PTER: variants seen among roughly 807,000 people sequenced by gnomAD.
PTER encodes phosphotriesterase related.
PTER carries 38 observed loss-of-function variants against 29.6 expected under a neutral mutation model. The ratio of observed to expected loss-of-function variants is 1.28; its 90% confidence interval spans 0.99 to 1.68. The LOEUF (loss-of-function observed/expected upper bound fraction) is 1.68. Among genes scored for constraint, PTER ranks in the 40% most tolerant of loss-of-function variants. The pLI is 0.00. For missense variants in PTER, 482 were observed against 427.8 expected (o/e 1.13, Z -1.12); for synonymous variants, 172 against 154.5 (o/e 1.11, Z -0.84).
intron 3 of PTER, among the ~76,000 whole-genome samples, chr10:16,495,314 G>A (rs959278592): frequency 1.3e-5 from 2 of 151,942 alleles, no homozygotes; most frequent in African/African-American, 4.8e-5. Flanking sequence ...GAGATTACAA[G>A]CGTGCACTAC....
intron 1 of PTER, among the ~76,000 whole-genome samples, chr10:16,483,780 A>G (rs961160866): frequency 6.6e-6 from 1 of 152,158 alleles, no homozygotes; most frequent in African/African-American, 2.4e-5. Context: ...CAGGAGGCGG[A>G]GGCGGAAGTT....
At chr10:16,483,087 A>C (rs1835541721) in intron 1 of PTER, among the ~76,000 whole-genome samples, 1 of 152,060 alleles carries the variant, frequency 6.6e-6, no homozygotes, top group Admixed American at 6.6e-5. Flanking sequence ...CTGGCCATTT[A>C]ATTTTTAATT....
intron 1 of PTER, among the ~76,000 whole-genome samples, chr10:16,483,274 A>G (rs1359787219): frequency 6.6e-6 from 1 of 152,174 alleles, no homozygotes; most frequent in Non-Finnish European, 1.5e-5. Flanking sequence ...AATAAATCAC[A>G]ATCGCTTTCA....
At chr10:16,499,807 A>G (rs1836263441) in intron 3 of PTER, among the ~76,000 whole-genome samples, 1 of 151,982 alleles carries the variant, frequency 6.6e-6, no homozygotes, top group Admixed American at 6.6e-5. Flanking sequence ...ATATCAATAA[A>G]TGTCAGTTAA....
chr10:16,514,833 G>A (rs938595526), downstream of PTER: 9 of 677,908 alleles, frequency 1.3e-5, no homozygotes, highest in Non-Finnish European at 2.2e-5. Flanking sequence ...CAAAGTCCAT[G>A]TTGACCTCAG....
chr10:16,476,268 G>C, intron 1 of PTER: 1 of 152,224 alleles, frequency 6.6e-6, no homozygotes. Context: ...ATTTTTAGTA[G>C]ACAGGGTTTC....
chr10:16,515,280 G>A (rs1009565892), downstream of PTER, among the ~76,000 whole-genome samples: 3 of 150,220 alleles, frequency 2.0e-5, no homozygotes, highest in African/African-American at 7.3e-5. Flanking sequence ...TCTAATTCAT[G>A]TAAAGCCCCC....
In PTER at chr10:16,511,081, G is replaced by A. The variant is rs778269871; in HGVS notation, c.875G>A (p.Arg292Gln). The change falls in exon 5 of 5, where the codon CGA (arginine) becomes CAA (glutamine). Residue 292 changes from arginine to glutamine, a missense_variant. Arg to Gln is a conservative substitution (Grantham distance 43). Coordinates refer to ENST00000535784, the MANE Select transcript of PTER (RefSeq NM_001261836.2). ...CTGGTGGAAGAGGGCTGTGAAGATC[G>A]AATTCTGGTAGCACATGACATACAT... ...RLLVEEGCED[R>Q]ILVAHDIHTK... 154 of 1,613,700 alleles carry A rather than the reference G, an allele frequency of 9.5e-5. 4 individuals are homozygous for A. Among genetic ancestry groups the A allele is most frequent in the South Asian group, 6.8e-4 (62 of 91,052 alleles).
intron 1 of PTER, among the ~76,000 whole-genome samples, chr10:16,456,392 C>G (rs1441657870): frequency 6.6e-6 from 1 of 152,144 alleles, no homozygotes; most frequent in Non-Finnish European, 1.5e-5. Context: ...AGATTAGAGG[C>G]CCCTCAAATG....
intron 1 of PTER, among the ~76,000 whole-genome samples, chr10:16,480,564 G>C (rs1368546723): frequency 6.6e-6 from 1 of 152,110 alleles, no homozygotes; most frequent in East Asian, 1.9e-4. Flanking sequence ...GGGTATAACA[G>C]AGTCCGGGGT....
At chr10:16,510,259 A>T (rs745498241) in intron 4 of PTER, among the ~76,000 whole-genome samples, 17 of 152,228 alleles carry the variant, frequency 1.1e-4, no homozygotes, top group Non-Finnish European at 2.2e-4. Context: ...CCAGCATTTA[A>T]CAAAGCAAAG....
chr10:16,453,225 AT>A (rs555797275), intron 1 of PTER, among the ~76,000 whole-genome samples: 1 of 151,882 alleles, frequency 6.6e-6, no homozygotes, highest in African/African-American at 2.4e-5. Flanking sequence ...CAGGTTATTG[AT>A]TTTTTTTAAC....
chr10:16,462,426 T>G (rs1411049855), intron 1 of PTER, among the ~76,000 whole-genome samples: 1 of 152,150 alleles, frequency 6.6e-6, no homozygotes, highest in African/African-American at 2.4e-5. Flanking sequence ...GTGGCGTTTG[T>G]GTTTGTTTTT....
chr10:16,510,735 A>G (rs1016895346), intron 4 of PTER, among the ~76,000 whole-genome samples: 31 of 152,212 alleles, frequency 2.0e-4, no homozygotes, highest in African/African-American at 7.2e-4. Flanking sequence ...TGAAATGCCA[A>G]AATGGTCATT....
Position 16,484,693 on chromosome 10 carries a change from T to C in PTER, c.309T>C (p.Ile103=). The change falls in exon 2 of 5, where the codon ATT becomes ATC. Residue 103 remains isoleucine (I), a synonymous_variant. Coordinates refer to ENST00000535784, the MANE Select transcript of PTER (RefSeq NM_001261836.2). ...GALVENTTTG[I]SRDTQTLKRL... The stretch of plus-strand genomic sequence containing the variant: ...TGGTGGAAAACACAACCACTGGGAT[T>C]AGCCGAGACACACAGACGTTGAAGA... The C allele has an allele frequency of 6.2e-7, 1 of 1,614,170 alleles. No individual in the cohort carries two copies. Among genetic ancestry groups the C allele is most frequent in the Non-Finnish European group, 8.5e-7 (1 of 1,180,020 alleles).
intron 1 of PTER, among the ~76,000 whole-genome samples, chr10:16,441,269 G>T (rs1029829121): frequency 6.6e-6 from 1 of 152,174 alleles, no homozygotes; most frequent in Non-Finnish European, 1.5e-5. Flanking sequence ...TCGTGGGTGA[G>T]TTGTGAAAAG....
intron 4 of PTER, among the ~76,000 whole-genome samples, chr10:16,506,163 A>G (rs1241733516): frequency 3.9e-5 from 6 of 152,220 alleles, no homozygotes; most frequent in African/African-American, 1.4e-4. Flanking sequence ...GGATTTCACA[A>G]TTAGGAGGCT....
At chr10:16,514,319 G>A, downstream of PTER, 5 of 579,424 alleles carry the variant, frequency 8.6e-6, no homozygotes, top group South Asian at 9.3e-5. Flanking sequence ...TTTGGCGGTA[G>A]TGGATCACAC....
At chr10:16,469,965 T>C (rs897249022) in intron 1 of PTER, among the ~76,000 whole-genome samples, 1 of 151,994 alleles carries the variant, frequency 6.6e-6, no homozygotes, top group Non-Finnish European at 1.5e-5. Flanking sequence ...GTGAAAAATA[T>C]AGAAATGTCA....
Sources: allele counts gnomAD v4.1 joint callset (sites outside exome capture counted in the v4.1 genomes callset), GRCh38; gene constraint gnomAD v4.1.1; transcripts MANE v1.5; gene names NCBI Gene and HGNC (gene_info 2026-07-23, HGNC 2026-07-21).